PIK3R3: variants seen among roughly 807,000 people sequenced by gnomAD.
PIK3R3 encodes phosphoinositide-3-kinase regulatory subunit 3.
A neutral mutation model predicts 62.9 loss-of-function variants in PIK3R3; 64 were observed. That is an observed-to-expected ratio of 1.02 (90% CI 0.83 to 1.25). The LOEUF is 1.25. Among genes scored for constraint, PIK3R3 ranks in the 50% most tolerant of loss-of-function variants. The pLI is 0.00. For synonymous variants in PIK3R3, 165 were observed against 189.0 expected (o/e 0.87, Z 1.04); for missense variants, 614 against 561.6 (o/e 1.09, Z -0.94).
At chr1:46,156,360 C>T in the PIK3R3 span, among the ~76,000 whole-genome samples, 1 of 150,276 alleles carries the variant, frequency 6.7e-6, no homozygotes, top group South Asian at 2.1e-4. Flanking sequence ...CTCCCAGAGG[C>T]AGACAGGAGA....
Position 46,059,660 on chromosome 1 carries a change from G to A in PIK3R3, c.764+2269C>T, listed in dbSNP as rs189939421. Among the ~76,000 whole-genome samples the A allele has an allele frequency of 2.6e-4, 40 of 152,196 alleles. No individual in the cohort carries two copies. The East Asian group carries it at 7.3e-3, about 28-fold the overall frequency. ...ATTTTTAAAAATTAGCCAATGCAGT[G>A]GCACTTGCCTGTAGTCCTAGCAACT... On this transcript the variant is annotated intron_variant, in intron 6 of 9. Transcript: ENST00000262741.
At chr1:46,052,114 A>G (rs1304932543) in intron 7 of PIK3R3, among the ~76,000 whole-genome samples, 2 of 151,960 alleles carry the variant, frequency 1.3e-5, no homozygotes, top group Admixed American at 6.6e-5. Context: ...CTCCAGCCTG[A>G]GTGACAGAGT....
Position 46,055,787 on chromosome 1 carries a change from C to T in PIK3R3, c.941+8G>A, listed in dbSNP as rs761827516. 4 of 1,572,510 alleles carry T rather than the reference C, an allele frequency of 2.5e-6. No homozygotes were observed. Among genetic ancestry groups the T allele is most frequent in the Non-Finnish European group, 3.4e-6 (4 of 1,159,848 alleles). Reference sequence around the variant, plus strand: ...GTCTCCCTCCCCATACACTCCCAGACTACTTACACAAGGTGTTGATCTCGG... The same window carrying T: ...GTCTCCCTCCCCATACACTCCCAGATTACTTACACAAGGTGTTGATCTCGG... On this transcript the variant is annotated splice_region_variant and intron_variant, in intron 7 of 9. Coordinates refer to ENST00000262741, the MANE Select transcript of PIK3R3 (RefSeq NM_003629.4).
chr1:46,081,138 G>A (rs1369570499), intron 1 of PIK3R3, among the ~76,000 whole-genome samples: 1 of 151,804 alleles, frequency 6.6e-6, no homozygotes, highest in Non-Finnish European at 1.5e-5. Context: ...TAAATTTTAG[G>A]TATTCTTACT....
intron 1 of PIK3R3, among the ~76,000 whole-genome samples, chr1:46,114,910 T>C (rs1654052716): frequency 6.6e-6 from 1 of 151,890 alleles, no homozygotes; most frequent in African/African-American, 2.4e-5. Flanking sequence ...CCACAGTGCC[T>C]GGCTGCAATC....
chr1:46,064,554 T>A (rs1050117904), intron 5 of PIK3R3, among the ~76,000 whole-genome samples: 70 of 152,088 alleles, frequency 4.6e-4, no homozygotes, highest in Admixed American at 4.1e-3. Context: ...AAAATATCAA[T>A]AATAAAATAA....
intron 1 of PIK3R3, among the ~76,000 whole-genome samples, chr1:46,123,442 A>G (rs1382530805): frequency 6.6e-6 from 1 of 152,234 alleles, no homozygotes; most frequent in Non-Finnish European, 1.5e-5. Flanking sequence ...TAAATATGTA[A>G]GTTAGGTGCC....
intron 3 of PIK3R3, among the ~76,000 whole-genome samples, chr1:46,074,558 G>C (rs968664691): frequency 6.6e-6 from 1 of 151,974 alleles, no homozygotes; most frequent in Non-Finnish European, 1.5e-5. Context: ...GGTGTGGTGG[G>C]GGTGGGTCCT....
the PIK3R3 span, among the ~76,000 whole-genome samples, chr1:46,150,440 G>A: frequency 5.3e-5 from 8 of 152,146 alleles, no homozygotes; most frequent in African/African-American, 1.9e-4. Context: ...TAATCAGTAG[G>A]TCTTTGAGGT....
At chr1:46,127,355 A>AT (rs201150992) in intron 1 of PIK3R3, among the ~76,000 whole-genome samples, 4,175 of 129,006 alleles carry the variant, frequency 0.032, 130 homozygotes, top group African/African-American at 0.093. Context: ...AAAAAAAAAA[A>AT]AATATATATA....
rs550170910 is a variant in PIK3R3 at position 46,040,586 on chromosome 1, C to T, written c.*3087G>A. 1.5e-4 allele frequency: 33 copies of T among 224,712 alleles called. No individual in the cohort carries two copies. Among genetic ancestry groups the T allele is most frequent in the African/African-American group, 7.1e-4 (32 of 44,978 alleles). The allele number at this position is 224,712 out of a possible 1,614,324, so 13.9% of individuals were successfully genotyped here. ...GCCCCCTATCTGGACCCTCTGGTTT[C>T]TGAGGCCACTGAAGCCTCACAGAGG... On this transcript the variant is annotated 3_prime_UTR_variant, in exon 10 of 10. Coordinates refer to ENST00000262741, the MANE Select transcript of PIK3R3 (RefSeq NM_003629.4).
upstream of PIK3R3, chr1:46,132,783 C>G (rs1265238563): frequency 7.9e-7 from 1 of 1,268,374 alleles, no homozygotes; most frequent in Non-Finnish European, 1.0e-6. Flanking sequence ...CCTCGATGTA[C>G]CGGGATTCTG....
chr1:46,067,083 C>A lies in PIK3R3; in HGVS notation c.323G>T (p.Gly108Val). 1 of 1,559,520 alleles carries A rather than the reference C, an allele frequency of 6.4e-7. No individual in the cohort carries two copies. Among genetic ancestry groups the A allele is most frequent in the South Asian group, 1.2e-5 (1 of 82,410 alleles). Reference sequence around the variant, plus strand: ...ATAGATCTTTATTAACTTATTATTGCCTCCCTTCCTGTGAACAACAAGACA... The same window carrying A: ...ATAGATCTTTATTAACTTATTATTGACTCCCTTCCTGTGAACAACAAGACA... ...GDYTLTLRKGGNNKLIKIYHR... is the reference protein window; with the variant it reads ...GDYTLTLRKGVNNKLIKIYHR... The change falls in exon 4 of 10, where the codon GGC (glycine) becomes GTC (valine). Residue 108 changes from glycine to valine, a missense_variant. Gly to Val is a moderately radical substitution (Grantham distance 109). Transcript: ENST00000262741.
At chr1:46,101,134 T>A (rs186282329) in intron 1 of PIK3R3, among the ~76,000 whole-genome samples, 1 of 139,338 alleles carries the variant, frequency 7.2e-6, no homozygotes, top group Non-Finnish European at 1.5e-5. Flanking sequence ...ATCACACCAC[T>A]GCACTCCAGC....
At chr1:46,112,816 G>A (rs1259573951) in intron 1 of PIK3R3, among the ~76,000 whole-genome samples, 1 of 152,154 alleles carries the variant, frequency 6.6e-6, no homozygotes, top group African/African-American at 2.4e-5. Context: ...CAAAAGGAGA[G>A]AACCTGGGCC....
intron 1 of PIK3R3, among the ~76,000 whole-genome samples, chr1:46,112,187 T>C (rs935920499): frequency 1.1e-4 from 16 of 152,250 alleles, no homozygotes; most frequent in Non-Finnish European, 2.4e-4. Flanking sequence ...TTTTTGGTTT[T>C]TTATAAAAAT....
intron 5 of PIK3R3, among the ~76,000 whole-genome samples, chr1:46,062,677 A>G (rs919753822): frequency 6.6e-6 from 1 of 152,264 alleles, no homozygotes; most frequent in Non-Finnish European, 1.5e-5. Flanking sequence ...ATAAGGGTCT[A>G]GAAAAACTGC....
intron 1 of PIK3R3, among the ~76,000 whole-genome samples, chr1:46,112,452 G>A (rs1307058516): frequency 6.6e-6 from 1 of 152,112 alleles, no homozygotes; most frequent in Non-Finnish European, 1.5e-5. Flanking sequence ...TATTTCTACA[G>A]AACAGATTCC....
chr1:46,080,614 CATTCA>C (rs1557589470), intron 2 of PIK3R3, 23 bp downstream of exon 2: 1 of 1,402,542 alleles, frequency 7.1e-7, no homozygotes, highest in Admixed American at 1.8e-5. Flanking sequence ...TAAAAAACTG[CATTCA>C]ATTACAGTAG....
Sources: gnomAD v4.1 joint callset for allele counts (sites outside exome capture counted in the v4.1 genomes callset) on GRCh38, gnomAD v4.1.1 for gene constraint, MANE v1.5 for transcripts, NCBI Gene and HGNC (gene_info 2026-07-23, HGNC 2026-07-21) for gene names.